The following CDK14 variants were observed in gnomAD, a reference collection of about 807,000 sequenced individuals.
CDK14 encodes the protein cyclin dependent kinase 14, also known as cyclin-dependent kinase 14.
In CDK14, 34 loss-of-function variants were observed where a neutral mutation model predicts 60.7. That is an observed-to-expected ratio of 0.56 (90% CI 0.43 to 0.75). The LOEUF (loss-of-function observed/expected upper bound fraction) is 0.75. CDK14 is among the 30% of genes least tolerant of loss of function. CDK14 has a pLI of 0.00. For synonymous variants in CDK14, 197 were observed against 203.7 expected, an observed-to-expected ratio of 0.97 and a Z score of 0.28; for missense variants, 482 against 564.1, an observed-to-expected ratio of 0.85 and a Z score of 1.47.
chr7:90,646,135 A>G (rs1800462435), intron 2 of CDK14, among the ~76,000 whole-genome samples: 1 of 152,148 alleles, frequency 6.6e-6, no homozygotes, highest in South Asian at 2.1e-4. Flanking sequence ...ATTCAAAGAA[A>G]GGCAGTAATT....
At chr7:90,982,996 G>T (rs1006364946) in intron 9 of CDK14, among the ~76,000 whole-genome samples, 8 of 152,102 alleles carry the variant, frequency 5.3e-5, no homozygotes, top group African/African-American at 1.9e-4. Context: ...AAACCACAAT[G>T]AGATACTACC....
At chr7:90,715,567 C>T (rs938722892) in intron 2 of CDK14, among the ~76,000 whole-genome samples, 6 of 151,570 alleles carry the variant, frequency 4.0e-5, no homozygotes, top group Non-Finnish European at 8.8e-5. Context: ...TCAGGTAGAA[C>T]CCAAGGCAAA....
chr7:91,089,492 A>C (rs2116263086), intron 12 of CDK14, among the ~76,000 whole-genome samples: 1 of 151,766 alleles, frequency 6.6e-6, no homozygotes, highest in East Asian at 1.9e-4. Flanking sequence ...TCCTATTTGG[A>C]TATAACTGAA....
At chr7:90,646,776 G>A (rs1442221758) in intron 2 of CDK14, among the ~76,000 whole-genome samples, 1 of 152,102 alleles carries the variant, frequency 6.6e-6, no homozygotes, top group African/African-American at 2.4e-5. Flanking sequence ...TCGTATGGAT[G>A]TACTATAATT....
chr7:90,686,373 A>T (rs975269239), intron 2 of CDK14, among the ~76,000 whole-genome samples: 3 of 152,206 alleles, frequency 2.0e-5, no homozygotes, highest in Non-Finnish European at 2.9e-5. Context: ...CAGCGAGAAG[A>T]AGTCTTGGAT....
chr7:90,602,137 G>T (rs1799329436), intron 1 of CDK14, among the ~76,000 whole-genome samples: 1 of 152,082 alleles, frequency 6.6e-6, no homozygotes, highest in Non-Finnish European at 1.5e-5. Flanking sequence ...CTTATTGGAT[G>T]CTTTGCTTAA....
At chr7:91,058,921 A>C (rs563227942) in intron 11 of CDK14, among the ~76,000 whole-genome samples, 1 of 152,138 alleles carries the variant, frequency 6.6e-6, no homozygotes, top group Non-Finnish European at 1.5e-5. Flanking sequence ...GGCCTCATAA[A>C]ATGAGTTAGG....
At chr7:90,790,099 T>C (rs201356092) in intron 4 of CDK14, among the ~76,000 whole-genome samples, 3 of 120,414 alleles carry the variant, frequency 2.5e-5, no homozygotes, top group African/African-American at 9.7e-5. Flanking sequence ...GGGAATTTTT[T>C]CCTTTTTTTT....
At chr7:90,747,019 A>T (rs1803620844) in intron 3 of CDK14, among the ~76,000 whole-genome samples, 1 of 152,192 alleles carries the variant, frequency 6.6e-6, no homozygotes, top group African/African-American at 2.4e-5. Context: ...CAGCCATATG[A>T]TCTGTATTGG....
At chr7:90,732,546 A>C (rs965896362) in intron 3 of CDK14, among the ~76,000 whole-genome samples, 2 of 152,136 alleles carry the variant, frequency 1.3e-5, no homozygotes, top group Non-Finnish European at 2.9e-5. Context: ...CAGGGATTCT[A>C]CTTCTTCCTG....
chr7:90,636,045 G>A (rs1466129461), intron 2 of CDK14, among the ~76,000 whole-genome samples: 2 of 150,726 alleles, frequency 1.3e-5, no homozygotes, highest in Non-Finnish European at 2.9e-5. Context: ...CTGAGACAAT[G>A]GGGTTTTCTA....
chr7:90,647,511 T>TG (rs367667263), intron 2 of CDK14, among the ~76,000 whole-genome samples: 295 of 10,238 alleles, frequency 0.029, 1 homozygote, highest in African/African-American at 0.24. Context: ...TTTTTTTATC[T>TG]TTTTTTTTTT....
intron 11 of CDK14, among the ~76,000 whole-genome samples, chr7:91,069,233 A>G (rs1057027759): frequency 1.4e-4 from 22 of 152,166 alleles, no homozygotes; most frequent in African/African-American, 5.1e-4. Context: ...TCCTTTAAAA[A>G]CTTATAATTA....
At chr7:90,775,971 A>T (rs1024359769) in intron 4 of CDK14, among the ~76,000 whole-genome samples, 8 of 152,132 alleles carry the variant, frequency 5.3e-5, no homozygotes, top group Non-Finnish European at 7.3e-5. Flanking sequence ...TAATTAACAT[A>T]GTAGGTTTCA....
intron 12 of CDK14, among the ~76,000 whole-genome samples, chr7:91,094,437 A>G (rs1453936405): frequency 6.6e-6 from 1 of 152,176 alleles, no homozygotes; most frequent in African/African-American, 2.4e-5. Context: ...GTAATAGTGC[A>G]GTATGAAGTA....
intron 14 of CDK14, among the ~76,000 whole-genome samples, chr7:91,162,321 A>T (rs1011903192): frequency 2.6e-5 from 4 of 152,228 alleles, no homozygotes; most frequent in African/African-American, 9.6e-5. Flanking sequence ...TGCTATGTTT[A>T]AATTTCTTTC....
intron 2 of CDK14, among the ~76,000 whole-genome samples, chr7:90,618,893 C>G (rs1386841577): frequency 1.3e-5 from 2 of 152,010 alleles, no homozygotes; most frequent in Non-Finnish European, 2.9e-5. Flanking sequence ...GAATTTGTGC[C>G]TTATTGTGTC....
At chr7:90,832,328 A>G (rs117771451) in intron 5 of CDK14, among the ~76,000 whole-genome samples, 5 of 152,242 alleles carry the variant, frequency 3.3e-5, no homozygotes, top group Non-Finnish European at 7.4e-5. Flanking sequence ...TAGAAGGACT[A>G]ATCTCCCCAC....
chr7:90,809,011 C>T (rs1353779232), intron 5 of CDK14, among the ~76,000 whole-genome samples: 1 of 152,102 alleles, frequency 6.6e-6, no homozygotes, highest in African/African-American at 2.4e-5. Context: ...GACTCCCATA[C>T]AATAATAATG....
Sources: gnomAD v4.1 joint callset for allele counts (sites outside exome capture counted in the v4.1 genomes callset) on GRCh38, gnomAD v4.1.1 for gene constraint, MANE v1.5 for transcripts, NCBI Gene and HGNC (gene_info 2026-07-23, HGNC 2026-07-21) for gene names.